The following ADAM23 variants were observed in gnomAD, a reference collection of about 807,000 sequenced individuals.
ADAM23 encodes ADAM metallopeptidase domain 23.
ADAM23 carries 33 observed loss-of-function variants against 120.1 expected under a neutral mutation model. The ratio of observed to expected loss-of-function variants is 0.27; its 90% confidence interval spans 0.21 to 0.37. The LOEUF is 0.37. Among genes scored for constraint, ADAM23 ranks in the 10% least tolerant of loss-of-function variants. The pLI, the probability that ADAM23 is intolerant of heterozygous loss-of-function variation, is 1.00. For missense variants in ADAM23, 862 were observed against 1,058.2 expected (o/e 0.81, Z 2.57); for synonymous variants, 367 against 375.2 (o/e 0.98, Z 0.25).
chr2:206,592,969 T>TTCTC (rs1698453632), intron 22 of ADAM23, among the ~76,000 whole-genome samples: 1 of 152,216 alleles, frequency 6.6e-6, no homozygotes, highest in Non-Finnish European at 1.5e-5. Context: ...TAATATGGCC[T>TTCTC]TCTTTGTCAT....
chr2:206,451,384 T>C (rs971512377), intron 2 of ADAM23, among the ~76,000 whole-genome samples: 13 of 152,264 alleles, frequency 8.5e-5, no homozygotes, highest in African/African-American at 3.1e-4. Flanking sequence ...GGACTACAGG[T>C]GTGTGCCACC....
intron 2 of ADAM23, among the ~76,000 whole-genome samples, chr2:206,446,573 A>C (rs2105846084): frequency 6.6e-6 from 1 of 152,256 alleles, no homozygotes; most frequent in African/African-American, 2.4e-5. Context: ...TAGAAATTTA[A>C]GGCTTTTGGG....
intron 3 of ADAM23, among the ~76,000 whole-genome samples, chr2:206,484,455 G>A (rs1695963247): frequency 6.6e-6 from 1 of 152,102 alleles, no homozygotes; most frequent in Non-Finnish European, 1.5e-5. Flanking sequence ...TTTAAAAATT[G>A]GAGTGCTTTG....
At chr2:206,569,389 C>G (rs1697952283) in intron 15 of ADAM23, among the ~76,000 whole-genome samples, 1 of 152,166 alleles carries the variant, frequency 6.6e-6, no homozygotes, top group South Asian at 2.1e-4. Context: ...GGTTAATAAA[C>G]AACTATGGAT....
chr2:206,520,223 G>A (rs1301401354), intron 3 of ADAM23, among the ~76,000 whole-genome samples: 1 of 152,126 alleles, frequency 6.6e-6, no homozygotes, highest in Non-Finnish European at 1.5e-5. Flanking sequence ...AGAGGCCCCT[G>A]TCTCAGTTCA....
intron 10 of ADAM23, among the ~76,000 whole-genome samples, chr2:206,558,990 G>C (rs1697704426): frequency 6.6e-6 from 1 of 152,122 alleles, no homozygotes; most frequent in African/African-American, 2.4e-5. Context: ...TGTTGCCCAG[G>C]CTGGAGTGCA....
At chr2:206,492,441 G>C (rs759386144) in intron 3 of ADAM23, among the ~76,000 whole-genome samples, 8 of 152,198 alleles carry the variant, frequency 5.3e-5, no homozygotes, top group Non-Finnish European at 1.2e-4. Context: ...AAGCCTTGGA[G>C]AGTTGAGACA....
intron 2 of ADAM23, among the ~76,000 whole-genome samples, chr2:206,472,481 C>T (rs918549889): frequency 2.6e-5 from 4 of 151,500 alleles, no homozygotes; most frequent in African/African-American, 7.3e-5. Flanking sequence ...GGTGTATTGG[C>T]GCACACCTGT....
At chr2:206,561,024 G>A (rs1005237417) in intron 11 of ADAM23, 104 bp from the exon 12 acceptor site, 15 of 838,058 alleles carry the variant, frequency 1.8e-5, no homozygotes, top group African/African-American at 3.4e-5. Flanking sequence ...TCTTGGAGGA[G>A]GATGGTTTGG....
At chr2:206,552,897 G>T (rs1316603259) in intron 9 of ADAM23, among the ~76,000 whole-genome samples, 1 of 151,798 alleles carries the variant, frequency 6.6e-6, no homozygotes, top group East Asian at 1.9e-4. Context: ...TGAGCTCCTG[G>T]ACTCAAGTGA....
intron 3 of ADAM23, among the ~76,000 whole-genome samples, chr2:206,496,926 C>T (rs1696264331): frequency 6.6e-6 from 1 of 152,188 alleles, no homozygotes; most frequent in African/African-American, 2.4e-5. Flanking sequence ...TTCCTCGACA[C>T]ATACACTCTC....
rs957512554 is a variant in ADAM23, at chr2:206,542,210, G to T, written c.656+76G>T. On this transcript the variant is annotated intron_variant, in intron 5 of 25. Coordinates refer to ENST00000264377, the MANE Select transcript of ADAM23 (RefSeq NM_003812.4). Reference sequence around the variant, plus strand: ...CTTTTATGGATATATATATTTTAGTGACTCTTCCGTGCCAGTGCTGTGTTA... The same window carrying T: ...CTTTTATGGATATATATATTTTAGTTACTCTTCCGTGCCAGTGCTGTGTTA... The T allele has an allele frequency of 9.1e-6, 13 of 1,429,206 alleles. No individual in the cohort carries two copies. The African/African-American group carries it at 1.4e-4, about 16-fold the overall frequency. 88.5% of individuals were successfully genotyped at this position (1,429,206 alleles called of 1,614,324 possible). A position where few individuals can be genotyped will look rare whatever the true frequency, so the allele number is the denominator to read the frequency against.
chr2:206,454,692 T>C (rs1695260239), intron 2 of ADAM23, among the ~76,000 whole-genome samples: 2 of 152,170 alleles, frequency 1.3e-5, no homozygotes, highest in Admixed American at 6.5e-5. Context: ...AGGCAGTGGG[T>C]AAATGCTCCC....
At chr2:206,567,860 A>G (rs957894198) in intron 15 of ADAM23, among the ~76,000 whole-genome samples, 4 of 152,176 alleles carry the variant, frequency 2.6e-5, no homozygotes, top group African/African-American at 9.7e-5. Flanking sequence ...ATCATGGTAG[A>G]AGGTAAAGGG....
At chr2:206,593,359 A>G (rs1316879327) in intron 22 of ADAM23, among the ~76,000 whole-genome samples, 2 of 152,146 alleles carry the variant, frequency 1.3e-5, no homozygotes, top group African/African-American at 4.8e-5. Flanking sequence ...ACTCAATGGT[A>G]TTGTTGTTGC....
chr2:206,514,548 T>C (rs1696691929), intron 3 of ADAM23, among the ~76,000 whole-genome samples: 1 of 152,212 alleles, frequency 6.6e-6, no homozygotes, highest in Admixed American at 6.5e-5. Context: ...GCTGGTGAAG[T>C]TGCTGTGAAC....
chr2:206,529,996 A>C (rs1322477660), intron 3 of ADAM23, among the ~76,000 whole-genome samples: 1 of 152,106 alleles, frequency 6.6e-6, no homozygotes, highest in Admixed American at 6.5e-5. Context: ...ATTTTTGTAG[A>C]GATGGGGTTT....
chr2:206,484,243 T>C (rs895589392), intron 3 of ADAM23, among the ~76,000 whole-genome samples: 2 of 152,094 alleles, frequency 1.3e-5, no homozygotes, highest in Admixed American at 6.5e-5. Flanking sequence ...TCTGAAGTTA[T>C]CTACTGTAGG....
At position 206,530,821 on chromosome 2, in the gene ADAM23, C is replaced by T. The variant is rs141720139; in HGVS notation, c.510-64C>T. On this transcript the variant is annotated intron_variant, in intron 3 of 25. Transcript: ENST00000264377. ...TGCCCCTCACGTTCATTTATTGAGCCGATTGTTTTTAAACCTCCAAGTGTC... is the reference window on the plus strand; with the variant it reads ...TGCCCCTCACGTTCATTTATTGAGCTGATTGTTTTTAAACCTCCAAGTGTC... The T allele has an allele frequency of 1.7e-3, 2,403 of 1,447,474 alleles. 10 individuals carry two copies. Among genetic ancestry groups the T allele is most frequent in the Non-Finnish European group, 1.6e-3 (1,619 of 1,035,450 alleles). The allele number at this position is 1,447,474 out of a possible 1,614,324, so 89.7% of individuals were successfully genotyped here. A position where few individuals can be genotyped will look rare whatever the true frequency, so the allele number is the denominator to read the frequency against.
Sources: gnomAD v4.1 joint callset for allele counts (sites outside exome capture counted in the v4.1 genomes callset) on GRCh38, gnomAD v4.1.1 for gene constraint, MANE v1.5 for transcripts, NCBI Gene and HGNC (gene_info 2026-07-23, HGNC 2026-07-21) for gene names.